Variants in THRAP3 observed in about 807,000 individuals in gnomAD.
THRAP3 encodes the protein thyroid hormone receptor-associated protein 3.
In THRAP3, 16 loss-of-function variants were observed where a neutral mutation model predicts 101.0. That is an observed-to-expected ratio of 0.16 (90% CI 0.11 to 0.24). THRAP3 has a LOEUF of 0.24. Among genes scored for constraint, THRAP3 ranks in the 10% least tolerant of loss-of-function variants. The probability of loss-of-function intolerance (pLI) is 1.00; values close to 1 mark genes in which losing one functional copy is unlikely to be tolerated. For synonymous variants in THRAP3, 407 were observed against 422.6 expected, an observed-to-expected ratio of 0.96 and a Z score of 0.45; for missense variants, 989 against 1,202.7, an observed-to-expected ratio of 0.82 and a Z score of 2.63.
intron 1 of THRAP3, among the ~76,000 whole-genome samples, chr1:36,238,405 A>C (rs1008386331): frequency 6.6e-6 from 1 of 152,162 alleles, no homozygotes; most frequent in East Asian, 1.9e-4. Context: ...GGTATGAAAA[A>C]TCTTTTTTGA....
rs777332431 is a variant in THRAP3, at chr1:36,286,781, C to T, written c.551C>T (p.Ser184Phe). The T allele has an allele frequency of 3.7e-6, 6 of 1,614,232 alleles. No individual in the cohort carries two copies. The South Asian group carries it at 4.4e-5, about 12-fold the overall frequency. Reference sequence around the variant, plus strand: ...TCTGCAAAGGAGAAAAAGTCCTCTTCTAAGGATAGCCGGCCATCTCAGGCT... The same window carrying T: ...TCTGCAAAGGAGAAAAAGTCCTCTTTTAAGGATAGCCGGCCATCTCAGGCT... ...RKSAKEKKSSSKDSRPSQAAG... is the reference protein window; with the variant it reads ...RKSAKEKKSSFKDSRPSQAAG... The change falls in exon 4 of 12, where the codon TCT becomes TTT. Residue 184 changes from serine (S) to phenylalanine (F), a missense_variant. Transcript: ENST00000354618. The surrounding 1 kb of genome is among the most constrained non-coding windows in gnomAD (Gnocchi z 5.5).
chr1:36,301,722 G>T (rs766246084), intron 11 of THRAP3, 26 bp downstream of exon 11: 6 of 1,597,074 alleles, frequency 3.8e-6, no homozygotes, highest in Admixed American at 1.8e-5. Flanking sequence ...TAACCAGGAA[G>T]GGTTAGAGGG....
At chr1:36,266,944 G>T (rs532888803) in intron 2 of THRAP3, among the ~76,000 whole-genome samples, 1 of 151,712 alleles carries the variant, frequency 6.6e-6, no homozygotes, top group Admixed American at 6.6e-5. Context: ...GCAGTGGCAC[G>T]ATCTTGGCTC....
chr1:36,276,898 A>AAAATGGG (rs1379680040), intron 2 of THRAP3, among the ~76,000 whole-genome samples: 2 of 152,188 alleles, frequency 1.3e-5, no homozygotes, highest in Non-Finnish European at 2.9e-5. Flanking sequence ...GAAAACCTAC[A>AAAATGGG]AAATGGGAGA....
At chr1:36,211,111 G>T in the THRAP3 span, among the ~76,000 whole-genome samples, 17,569 of 151,520 alleles carry the variant, frequency 0.12, 1,974 homozygotes, top group East Asian at 0.27. Context: ...ACATTGGGAG[G>T]CCAAAGCAGG....
chr1:36,289,821 A>T lies in THRAP3; in HGVS notation c.1745+57A>T. The T allele has an allele frequency of 1.3e-6, 2 of 1,527,280 alleles. 1 individual carries two copies. Among genetic ancestry groups the T allele is most frequent in the East Asian group, 4.5e-5 (2 of 44,204 alleles). 94.6% of individuals were successfully genotyped at this position (1,527,280 alleles called of 1,614,324 possible). A position where few individuals can be genotyped will look rare whatever the true frequency, so the allele number is the denominator to read the frequency against. On this transcript the variant is annotated intron_variant, in intron 5 of 11. Coordinates refer to ENST00000354618, the MANE Select transcript of THRAP3 (RefSeq NM_005119.4). ...TTTAGTGGCCTAAGTGGTGTCGCCT[A>T]GCCTTTCTCCCTGGGGACATTCTGC...
rs1645553051 is a variant in THRAP3 at position 36,268,959 on chromosome 1, CAG to C, written c.-32+9476_-32+9477del. 2.6e-5 allele frequency among the ~76,000 whole-genome samples: 4 copies of C among 152,292 alleles called. No individual in the cohort carries two copies. The South Asian group carries it at 8.3e-4, about 31-fold the overall frequency. On this transcript the variant is annotated intron_variant, in intron 2 of 11. Transcript: ENST00000354618. ...CAGGCTGGCCTCAAACTCCTGGCCT[CAG>C]GTGATCCACCTGCCTCGGCCTCTGA...
chr1:36,263,370 G>A (rs1046458528), intron 2 of THRAP3, among the ~76,000 whole-genome samples: 4 of 152,148 alleles, frequency 2.6e-5, no homozygotes, highest in Non-Finnish European at 4.4e-5. Context: ...AAAGTGCTAG[G>A]ATTTCAGGGG....
chr1:36,227,914 T>C lies in THRAP3; in HGVS notation c.-135+3409T>C, dbSNP rs1644980506. Among the ~76,000 whole-genome samples, 3 of 152,098 alleles carry C rather than the reference T, an allele frequency of 2.0e-5. No homozygotes were observed. In the South Asian group the frequency reaches 6.2e-4, roughly 31 times the overall value. On this transcript the variant is annotated intron_variant, in intron 1 of 11. Transcript: ENST00000354618. Reference sequence around the variant, plus strand: ...TTTTTGAGACGGAATCTCGCTCTGTTGCCCAGGCTGGAGTGTGGTGGTGCG... The same window carrying C: ...TTTTTGAGACGGAATCTCGCTCTGTCGCCCAGGCTGGAGTGTGGTGGTGCG...
In THRAP3 at chr1:36,286,967, A is replaced by T; in HGVS notation, c.737A>T (p.Glu246Val). 6.2e-7 allele frequency: 1 copy of T among 1,614,176 alleles called. No homozygotes were observed. Among genetic ancestry groups the T allele is most frequent in the Non-Finnish European group, 8.5e-7 (1 of 1,180,030 alleles). Reference sequence around the variant, plus strand: ...GCAGTTTCTGAGCTGAGTCCTCGGGAGCGAAGCCCAGCTCTCAAAAGCCCC... The same window carrying T: ...GCAGTTTCTGAGCTGAGTCCTCGGGTGCGAAGCCCAGCTCTCAAAAGCCCC... ...ASAVSELSPR[E>V]RSPALKSPLQ... The change falls in exon 4 of 12, where the codon GAG becomes GTG. Residue 246 changes from glutamate to valine, a missense_variant. Transcript: ENST00000354618. This position sits in a 1 kb window ranked among gnomAD's most constrained non-coding sequence, Gnocchi z 5.5.
intron 2 of THRAP3, among the ~76,000 whole-genome samples, chr1:36,277,010 C>G (rs1557440265): frequency 6.6e-6 from 1 of 151,822 alleles, no homozygotes; most frequent in Admixed American, 6.6e-5. Flanking sequence ...TGCTTATTGC[C>G]CAGGCTGGAG....
chr1:36,263,950 C>T (rs1645480006), intron 2 of THRAP3, among the ~76,000 whole-genome samples: 1 of 152,226 alleles, frequency 6.6e-6, no homozygotes, highest in Non-Finnish European at 1.5e-5. Flanking sequence ...TTCCTTCTAG[C>T]ACACCTCTTC....
intron 1 of THRAP3, chr1:36,225,405 A>G (rs1056067254): frequency 2.6e-5 from 4 of 152,162 alleles, no homozygotes; most frequent in Admixed American, 1.3e-4. Flanking sequence ...CTATCTTTTG[A>G]TCTTAGGTCA....
At chr1:36,272,683 C>CT (rs1206048365) in intron 2 of THRAP3, among the ~76,000 whole-genome samples, 5 of 152,186 alleles carry the variant, frequency 3.3e-5, no homozygotes, top group Non-Finnish European at 5.9e-5. Flanking sequence ...TGTCTTATCT[C>CT]TATCAGTTGA....
intron 2 of THRAP3, among the ~76,000 whole-genome samples, chr1:36,278,062 C>CCTTT (rs1645684202): frequency 9.0e-6 from 1 of 110,710 alleles, no homozygotes; most frequent in African/African-American, 3.3e-5. Context: ...CCCAGCCCCC[C>CCTTT]TTTTTTTTTT....
intron 7 of THRAP3, among the ~76,000 whole-genome samples, 187 bp from the exon 8 acceptor site, chr1:36,293,640 CTGTGTGTGTGTGTGTGTGTGTGTG>C (rs577292328): frequency 7.5e-6 from 1 of 133,314 alleles, no homozygotes; most frequent in Non-Finnish European, 1.6e-5. Context: ...GAACCTGGGA[CTGTGTGTGTGTGTGTGTGTGTGTG>C]TGTGTGTGTG....
intron 2 of THRAP3, among the ~76,000 whole-genome samples, chr1:36,275,479 T>G (rs1287619850): frequency 6.8e-6 from 1 of 146,122 alleles, no homozygotes; most frequent in Non-Finnish European, 1.5e-5. Flanking sequence ...CCCAGCTACT[T>G]GGGAGGCTGA....
Position 36,262,096 on chromosome 1 carries a change from A to G in THRAP3, c.-32+2612A>G, listed in dbSNP as rs373079407. Among the ~76,000 whole-genome samples the G allele has an allele frequency of 3.9e-5, 6 of 152,346 alleles. No individual in the cohort carries two copies. In the South Asian group the frequency reaches 6.2e-4, roughly 16 times the overall value. On this transcript the variant is annotated intron_variant, in intron 2 of 11. Coordinates refer to ENST00000354618, the MANE Select transcript of THRAP3 (RefSeq NM_005119.4). The stretch of plus-strand genomic sequence containing the variant: ...GTAGTCACATTTAAAAAAACAGATG[A>G]AATAAATTTGAACGATATGTTTTAT...
chr1:36,219,616 G>T (rs1186990320), upstream of THRAP3, among the ~76,000 whole-genome samples: 1 of 151,256 alleles, frequency 6.6e-6, no homozygotes, highest in Non-Finnish European at 1.5e-5. Context: ...TTAAAGTAGA[G>T]ACGGGGTTTC....
Sources: gnomAD v4.1 joint callset for allele counts (sites outside exome capture counted in the v4.1 genomes callset) on GRCh38, gnomAD v4.1.1 for gene constraint, Gnocchi (gnomAD v3.1) non-coding constraint, MANE v1.5 for transcripts, NCBI Gene and HGNC (gene_info 2026-07-23, HGNC 2026-07-21) for gene names.